The following DCHS1 variants were observed in gnomAD, a reference collection of about 807,000 sequenced individuals.
The protein encoded by DCHS1 is protocadherin-16.
In DCHS1, 78 loss-of-function variants were observed where a neutral mutation model predicts 213.9. That is an observed-to-expected ratio of 0.36 (90% CI 0.30 to 0.44). DCHS1 has a LOEUF of 0.44. Among genes scored for constraint, DCHS1 ranks in the 20% least tolerant of loss-of-function variants. The pLI, the probability that DCHS1 is intolerant of heterozygous loss-of-function variation, is 1.00. For synonymous variants in DCHS1, 1,828 were observed against 1,873.7 expected, an observed-to-expected ratio of 0.98 and a Z score of 0.63; for missense variants, 3,946 against 4,395.9, an observed-to-expected ratio of 0.90 and a Z score of 2.89.
In DCHS1 at chr11:6,623,390, G is replaced by A; in HGVS notation, c.8286C>T (p.Ser2762=). The part of the protein sequence containing the change: ...PEGREAFALN[S]STGELRARVP... ...CTCGCGCACGCAACTCCCCTGTTGAGCTGTTCAGTGCAAATGCCTCACGGC... is the reference window on the plus strand; with the variant it reads ...CTCGCGCACGCAACTCCCCTGTTGAACTGTTCAGTGCAAATGCCTCACGGC... The change falls in exon 21 of 21, where the codon AGC becomes AGT. Residue 2762 remains serine (S), a synonymous_variant. Transcript: ENST00000299441. 1.3e-6 allele frequency: 2 copies of A among 1,597,238 alleles called. No homozygotes were observed. Among genetic ancestry groups the A allele is most frequent in the South Asian group, 2.3e-5 (2 of 88,356 alleles).
In DCHS1 at chr11:6,634,168, G is replaced by T; in HGVS notation, c.1936C>A (p.Arg646Ser). 1.9e-6 allele frequency: 3 copies of T among 1,612,214 alleles called. No individual in the cohort carries two copies. Among genetic ancestry groups the T allele is most frequent in the Non-Finnish European group, 1.7e-6 (2 of 1,178,658 alleles). The change falls in exon 3 of 21, where the codon CGT becomes AGT. Residue 646 changes from arginine to serine, a missense_variant. Around this residue, in one of 3 missense-constraint regions of DCHS1, gnomAD observed 3,384 missense variants for 3,780.1 expected, o/e 0.90. Coordinates refer to ENST00000299441, the MANE Select transcript of DCHS1 (RefSeq NM_003737.4). ...TCAAAGCTTGAGGGCCCCTGGTCAC[G>T]GTCCAGGGTCCGGGTTGTGCACACA... ...GDVCTTRTLD[R>S]DQGPSSFDFT...
At chr11:6,630,915 G>C in intron 9 of DCHS1, 52 bp from the exon 10 acceptor site, 2 of 1,493,770 alleles carry the variant, frequency 1.3e-6, no homozygotes, top group Non-Finnish European at 1.8e-6. Context: ...GTGTAAAAGG[G>C]GATCTGGGCT....
chr11:6,648,141 C>A (rs886496606), intron 1 of DCHS1, among the ~76,000 whole-genome samples: 1 of 152,124 alleles, frequency 6.6e-6, no homozygotes, highest in African/African-American at 2.4e-5. Flanking sequence ...GGTTTGCAAG[C>A]CTGCAGCTTA....
chr11:6,624,918 T>C (rs1855769221), intron 19 of DCHS1, 50 bp from the exon 20 acceptor site: 2 of 1,607,290 alleles, frequency 1.2e-6, no homozygotes, highest in African/African-American at 1.3e-5. Flanking sequence ...TTTGCCCTGC[T>C]GTCCATGCAG....
intron 2 of DCHS1, among the ~76,000 whole-genome samples, chr11:6,636,959 T>C (rs1329822274): frequency 6.6e-6 from 1 of 152,198 alleles, no homozygotes; most frequent in Non-Finnish European, 1.5e-5. Flanking sequence ...CTCATGATCA[T>C]TCCAAACCTG....
chr11:6,640,077 C>T lies in DCHS1; in HGVS notation c.1537G>A (p.Ala513Thr). ...GTNGQVTYSLAPGAHTHWFSI... is the reference protein window; with the variant it reads ...GTNGQVTYSLTPGAHTHWFSI... ...AACCAGTGGGTGTGGGCGCCAGGGG[C>T]TAGGCTATAAGTGACCTGACCATTG... The change falls in exon 2 of 21, where the codon GCC becomes ACC. Residue 513 changes from alanine to threonine, a missense_variant. Transcript: ENST00000299441. The surrounding 1 kb of genome is among the most constrained non-coding windows in gnomAD (Gnocchi z 6.5). 6.2e-7 allele frequency: 1 copy of T among 1,613,908 alleles called. No homozygotes were observed. The highest frequency in any genetic ancestry group is 8.5e-7 in the Non-Finnish European group (1 of 1,179,848).
Position 6,625,674 on chromosome 11 carries a change from G to T in DCHS1, c.6785C>A (p.Thr2262Asn). ...GGTGTCGATGACCATCACCGTCAAG[G>T]TAGCTGAGCCCACCAGGGCTGGGCT... Reference protein sequence around the residue: ...RGSPALVGSATLTVMVIDTND... With the variant: ...RGSPALVGSANLTVMVIDTND... The change falls in exon 18 of 21, where the codon ACC becomes AAC. Residue 2262 changes from threonine to asparagine, a missense_variant. By Grantham distance (65) the Thr-to-Asn change is moderately conservative. Coordinates refer to ENST00000299441, the MANE Select transcript of DCHS1 (RefSeq NM_003737.4). The surrounding 1 kb of genome is among the most constrained non-coding windows in gnomAD (Gnocchi z 5.3). 6.2e-7 allele frequency: 1 copy of T among 1,613,116 alleles called. No individual in the cohort carries two copies. Among genetic ancestry groups the T allele is most frequent in the African/African-American group, 1.3e-5 (1 of 74,998 alleles).
In DCHS1 at chr11:6,634,285, T is replaced by C. The variant is rs1054361838; in HGVS notation, c.1819A>G (p.Ser607Gly). Residue 607 changes from serine (S) to glycine (G), a missense_variant, in exon 3 of 21, where the codon AGT (serine) becomes GGT (glycine). This residue lies in a region of DCHS1 where 3,384 missense variants were observed against 3,780.1 expected (regional missense o/e 0.90). Coordinates refer to ENST00000299441, the MANE Select transcript of DCHS1 (RefSeq NM_003737.4). ...TAGGAGAGGAGGCCAAATGGGCCACTATCCGCGTCTGTGGCTGTCACCTAG... is the reference window on the plus strand; with the variant it reads ...TAGGAGAGGAGGCCAAATGGGCCACCATCCGCGTCTGTGGCTGTCACCTAG... ...FLQVTATDAD[S>G]GPFGLLSYSL... 7 of 1,606,058 alleles carry C rather than the reference T, an allele frequency of 4.4e-6. No individual in the cohort carries two copies. Among genetic ancestry groups the C allele is most frequent in the Non-Finnish European group, 6.0e-6 (7 of 1,175,122 alleles).
At chr11:6,646,120 A>ACG (rs1856150439) in intron 1 of DCHS1, among the ~76,000 whole-genome samples, 5 of 151,630 alleles carry the variant, frequency 3.3e-5, no homozygotes, top group East Asian at 1.9e-4. Context: ...GCCCCCACAT[A>ACG]CACACACACA....
chr11:6,630,582 C>A lies in DCHS1; in HGVS notation c.4212G>T (p.Ala1404=). ...CCGGCCCCTCAGCGCGTACCGTAAGCGCGCGCCACGGCGGGCCAGCTTCGA... is the reference window on the plus strand; with the variant it reads ...CCGGCCCCTCAGCGCGTACCGTAAGAGCGCGCCACGGCGGGCCAGCTTCGA... ...LDFEAGPPWR[A]LTVRAEGPGG... is the part of the protein sequence containing the mutation. The change falls in exon 10 of 21, where the codon GCG becomes GCT. Residue 1404 remains alanine (A), a synonymous_variant. Transcript: ENST00000299441. The A allele has an allele frequency of 6.5e-7, 1 of 1,539,656 alleles. No homozygotes were observed. Among genetic ancestry groups the A allele is most frequent in the Non-Finnish European group, 8.7e-7 (1 of 1,150,350 alleles).
At position 6,628,590 on chromosome 11, in the gene DCHS1, C is replaced by T. The variant is rs766603053; in HGVS notation, c.5371+31G>A. On this transcript the variant is annotated intron_variant, in intron 13 of 20. Coordinates refer to ENST00000299441, the MANE Select transcript of DCHS1 (RefSeq NM_003737.4). This position sits in a 1 kb window ranked among gnomAD's most constrained non-coding sequence, Gnocchi z 4.3. ...GGAGCAAGAACCAGGCAAGTGGGTG[C>T]TGAATTAAGTGGGAGTGGGAAGGTT... The T allele has an allele frequency of 6.2e-7, 1 of 1,611,612 alleles. No homozygotes were observed. Among genetic ancestry groups the T allele is most frequent in the East Asian group, 2.2e-5 (1 of 44,858 alleles).
At position 6,627,817 on chromosome 11, in the gene DCHS1, T is replaced by G; in HGVS notation, c.5372-150A>C. Reference sequence around the variant, plus strand: ...AACAGAAACAGAAAGTAAAAGAAGATACTATAAAGCAGCTGGTATCATTTG... The same window carrying G: ...AACAGAAACAGAAAGTAAAAGAAGAGACTATAAAGCAGCTGGTATCATTTG... On this transcript the variant is annotated intron_variant, in intron 13 of 20. Transcript: ENST00000299441. This position sits in a 1 kb window ranked among gnomAD's most constrained non-coding sequence, Gnocchi z 5.4. 2.1e-6 allele frequency: 2 copies of G among 969,206 alleles called. No individual in the cohort carries two copies. Among genetic ancestry groups the G allele is most frequent in the East Asian group, 2.6e-5 (1 of 37,824 alleles). 60.0% of individuals were successfully genotyped at this position (969,206 alleles called of 1,614,324 possible).
In DCHS1 at chr11:6,632,245, G is replaced by T. The variant is rs767185681; in HGVS notation, c.3267C>A (p.Ala1089=). The T allele has an allele frequency of 2.3e-5, 37 of 1,613,724 alleles. No homozygotes were observed. Among genetic ancestry groups the T allele is most frequent in the Non-Finnish European group, 3.0e-5 (35 of 1,179,798 alleles). The change falls in exon 6 of 21, where the codon GCC becomes GCA. Residue 1089 remains alanine, a synonymous_variant. Transcript: ENST00000299441. This position sits in a 1 kb window ranked among gnomAD's most constrained non-coding sequence, Gnocchi z 5.9. Reference sequence around the variant, plus strand: ...GGTTGAGGATGCTGACCCTCACGGTGGCTGTGCCTGTCTGCTGCCCCAACT... The same window carrying T: ...GGTTGAGGATGCTGACCCTCACGGTTGCTGTGCCTGTCTGCTGCCCCAACT... ...KAELGQQTGT[A]TVRVSILNQN...
At position 6,621,379 on chromosome 11, in the gene DCHS1, C is replaced by T; in HGVS notation, c.*400G>A. 2.9e-6 allele frequency: 1 copy of T among 343,598 alleles called. No homozygotes were observed. 21.3% of individuals were successfully genotyped at this position (343,598 alleles called of 1,614,324 possible). On this transcript the variant is annotated 3_prime_UTR_variant, in exon 21 of 21. Transcript: ENST00000299441. Reference sequence around the variant, plus strand: ...CCAGAGTGAGAAATGGCACTTGGTTCTGGGCAGGGGCAGGGGCAGGGGTGT... The same window carrying T: ...CCAGAGTGAGAAATGGCACTTGGTTTTGGGCAGGGGCAGGGGCAGGGGTGT...
In DCHS1 at chr11:6,632,912, G is replaced by C; in HGVS notation, c.2600C>G (p.Ala867Gly). 1 of 1,614,010 alleles carries C rather than the reference G, an allele frequency of 6.2e-7. No individual in the cohort carries two copies. The highest frequency in any genetic ancestry group is 8.5e-7 in the Non-Finnish European group (1 of 1,179,876). Reference sequence around the variant, plus strand: ...GAAAGCTGGGGGCACTCCACTGCCTGCTCGCACCTCCAGCTCCAACACTGG... The same window carrying C: ...GAAAGCTGGGGGCACTCCACTGCCTCCTCGCACCTCCAGCTCCAACACTGG... ...LGPVLELEVR[A>G]GSGVPPAFAV... Residue 867 changes from alanine to glycine, a missense_variant, in exon 6 of 21, where the codon GCA becomes GGA. Ala to Gly is a moderately conservative substitution (Grantham distance 60, BLOSUM62 0). This residue lies in a region of DCHS1 where 3,384 missense variants were observed against 3,780.1 expected (regional missense o/e 0.90). Coordinates refer to ENST00000299441, the MANE Select transcript of DCHS1 (RefSeq NM_003737.4). This position sits in a 1 kb window ranked among gnomAD's most constrained non-coding sequence, Gnocchi z 5.9.
At position 6,625,260 on chromosome 11, in the gene DCHS1, G is replaced by A. The variant is rs772479361; in HGVS notation, c.7084C>T (p.Leu2362Phe). The A allele has an allele frequency of 1.9e-6, 3 of 1,612,984 alleles. No homozygotes were observed. The highest frequency in any genetic ancestry group is 1.7e-6 in the Non-Finnish European group (2 of 1,179,472). ...HDGPHEGRANLTVLVEDVNDN... is the reference protein window; with the variant it reads ...HDGPHEGRANFTVLVEDVNDN... ...TTGACATCCTCCACAAGCACTGTGA[G>A]GTTGGCACGGCCCTCATGAGGCCCA... The change falls in exon 19 of 21, where the codon CTC becomes TTC. Residue 2362 changes from leucine (L) to phenylalanine (F), a missense_variant. By Grantham distance (22) the Leu-to-Phe change is conservative. This residue lies in a region of DCHS1 where 3,384 missense variants were observed against 3,780.1 expected (regional missense o/e 0.90). Transcript: ENST00000299441. The surrounding 1 kb of genome is among the most constrained non-coding windows in gnomAD (Gnocchi z 5.3).
rs1438314444 is a variant in DCHS1, at chr11:6,625,511, A to T, written c.6863-30T>A. ...AATACATGAGACTAGTGTGTTTGGC[A>T]ATGGACACAGCCCCACCTTGAGCTG... On this transcript the variant is annotated intron_variant, in intron 18 of 20. Coordinates refer to ENST00000299441, the MANE Select transcript of DCHS1 (RefSeq NM_003737.4). The surrounding 1 kb of genome is among the most constrained non-coding windows in gnomAD (Gnocchi z 5.3). 3 of 1,607,448 alleles carry T rather than the reference A, an allele frequency of 1.9e-6. No individual in the cohort carries two copies. Among genetic ancestry groups the T allele is most frequent in the Non-Finnish European group, 2.5e-6 (3 of 1,178,132 alleles).
rs1300491143 is a variant in DCHS1 at position 6,629,829 on chromosome 11, G to A, written c.4878C>T (p.Ser1626=). 2 of 1,612,976 alleles carry A rather than the reference G, an allele frequency of 1.2e-6. No individual in the cohort carries two copies. The part of the protein sequence containing the change: ...VLTVVASDHG[S]PPRSATQVLT... ...GGACCTGCGTGGCCGAGCGCGGCGG[G>A]GAGCCGTGGTCTGAGGCCACCACTG... The change falls in exon 11 of 21, where the codon TCC becomes TCT. Residue 1626 remains serine (S), a synonymous_variant. Coordinates refer to ENST00000299441, the MANE Select transcript of DCHS1 (RefSeq NM_003737.4).
chr11:6,648,052 C>A (rs1168758425), intron 1 of DCHS1, among the ~76,000 whole-genome samples: 1 of 152,172 alleles, frequency 6.6e-6, no homozygotes, highest in Non-Finnish European at 1.5e-5. Context: ...AAAGTGGTTC[C>A]ATTTGGACAC....
Sources: allele counts gnomAD v4.1 joint callset (sites outside exome capture counted in the v4.1 genomes callset), GRCh38; gene constraint gnomAD v4.1.1; regional missense constraint gnomAD v4.1.1; non-coding constraint Gnocchi (gnomAD v3.1); transcripts MANE v1.5; gene names NCBI Gene and HGNC (gene_info 2026-07-23, HGNC 2026-07-21).